CHST8: variants seen among roughly 807,000 people sequenced by gnomAD.
CHST8 encodes GALNAC-4-ST1.
Under a neutral mutation model 15.0 loss-of-function variants are expected in CHST8, and 10 were observed. That is an observed-to-expected ratio of 0.67 (90% CI 0.41 to 1.13). The LOEUF (loss-of-function observed/expected upper bound fraction) is 1.13. CHST8 is among the 50% of genes most tolerant of loss of function. The probability of loss-of-function intolerance (pLI) is 0.00; values close to 1 mark genes in which losing one functional copy is unlikely to be tolerated. For synonymous variants in CHST8, 259 were observed against 256.6 expected (o/e 1.01, Z -0.09); for missense variants, 634 against 608.2 (o/e 1.04, Z -0.45).
chr19:33,726,688 G>A (rs1041016321), intron 3 of CHST8, among the ~76,000 whole-genome samples: 1 of 152,110 alleles, frequency 6.6e-6, no homozygotes, highest in East Asian at 1.9e-4. Flanking sequence ...CCCACCTCTC[G>A]ACAGCAGTGC....
At chr19:33,653,756 C>A (rs1339664345) in intron 1 of CHST8, among the ~76,000 whole-genome samples, 1 of 152,126 alleles carries the variant, frequency 6.6e-6, no homozygotes, top group Non-Finnish European at 1.5e-5. Flanking sequence ...TTACCAAACT[C>A]TTAGGTTGTT....
intron 1 of CHST8, among the ~76,000 whole-genome samples, chr19:33,648,233 T>C (rs1052400146): frequency 1.3e-5 from 2 of 152,266 alleles, no homozygotes; most frequent in Middle Eastern, 3.4e-3. Context: ...AACAGCTTTA[T>C]TGAGACATAA....
At position 33,772,887 on chromosome 19, in the gene CHST8, A is replaced by C; in HGVS notation, c.1099A>C (p.Asn367His). The change falls in exon 5 of 5, where the codon AAC becomes CAC. Residue 367 changes from asparagine (N) to histidine (H), a missense_variant. Physicochemically the swap from Asn to His is moderately conservative, Grantham distance 68 (BLOSUM62 1). Coordinates refer to ENST00000650847, the MANE Select transcript of CHST8 (RefSeq NM_001127895.2). Reference protein sequence around the residue: ...FFLSLIRAPRNLTFPRFKDRH... With the variant: ...FFLSLIRAPRHLTFPRFKDRH... ...CCTGAGCCTCATCCGCGCGCCGCGG[A>C]ACCTGACCTTCCCCCGGTTCAAGGA... The C allele has an allele frequency of 6.2e-7, 1 of 1,613,480 alleles. No individual in the cohort carries two copies.
chr19:33,633,332 TG>T (rs1172165538), intron 1 of CHST8, among the ~76,000 whole-genome samples: 21 of 152,234 alleles, frequency 1.4e-4, no homozygotes, highest in Non-Finnish European at 2.8e-4. Flanking sequence ...TTAGAGTTTT[TG>T]GCTTTTATGG....
chr19:33,750,982 G>A (rs550554267), intron 3 of CHST8, among the ~76,000 whole-genome samples: 2 of 151,060 alleles, frequency 1.3e-5, no homozygotes, highest in Admixed American at 1.3e-4. Flanking sequence ...TTATCATCAA[G>A]GACAAGGGGG....
intron 2 of CHST8, among the ~76,000 whole-genome samples, chr19:33,678,036 G>A (rs1057211898): frequency 3.9e-5 from 6 of 152,226 alleles, no homozygotes; most frequent in African/African-American, 7.2e-5. Flanking sequence ...GACTGGGAAA[G>A]AAAGACAGGA....
intron 2 of CHST8, among the ~76,000 whole-genome samples, chr19:33,677,683 A>G (rs1328427965): frequency 6.6e-6 from 1 of 152,192 alleles, no homozygotes; most frequent in South Asian, 2.1e-4. Flanking sequence ...TAGCATGAGG[A>G]TGCCCCAAAT....
intron 1 of CHST8, among the ~76,000 whole-genome samples, chr19:33,628,845 C>T (rs1972089648): frequency 6.6e-6 from 1 of 152,130 alleles, no homozygotes; most frequent in Non-Finnish European, 1.5e-5. Flanking sequence ...GGATGGTTAC[C>T]CATGGGACGC....
At position 33,622,159 on chromosome 19, in the gene CHST8, G is replaced by C. The variant is rs1277926188; in HGVS notation, c.-301G>C. 6.6e-6 allele frequency: 1 copy of C among 152,180 alleles called. No individual in the cohort carries two copies. The highest frequency in any genetic ancestry group is 1.9e-4 in the East Asian group (1 of 5,160). The allele number at this position is 152,180 out of a possible 1,614,324, so 9.4% of individuals were successfully genotyped here. ...CCACAGATCGCACTGGGTTCCGCTT[G>C]GAGCGGGCGGAGGCACCGGGCCCGA... is the stretch of plus-strand genomic sequence containing the variant. On this transcript the variant is annotated 5_prime_UTR_variant, in exon 1 of 5. Transcript: ENST00000650847.
At chr19:33,760,290 C>CCCCCTTTCCTT (rs1974694592) in intron 3 of CHST8, among the ~76,000 whole-genome samples, 1 of 1,088 alleles carries the variant, frequency 9.2e-4, no homozygotes, top group African/African-American at 1.5e-3. Flanking sequence ...CTCCTTCCTT[C>CCCCCTTTCCTT]CCTCCCTTCC....
intron 2 of CHST8, among the ~76,000 whole-genome samples, chr19:33,682,694 G>T (rs10410177): frequency 0.22 from 33,459 of 152,152 alleles, 4,008 homozygotes; most frequent in African/African-American, 0.29. Context: ...TAACATGATG[G>T]CTTCAAGAGT....
chr19:33,747,356 G>A (rs1460835281), intron 3 of CHST8, among the ~76,000 whole-genome samples: 3 of 152,302 alleles, frequency 2.0e-5, no homozygotes, highest in African/African-American at 7.2e-5. Context: ...TCTTCTGGAA[G>A]GCGACACCTT....
chr19:33,739,001 C>T (rs1974137365), intron 3 of CHST8, among the ~76,000 whole-genome samples: 1 of 152,092 alleles, frequency 6.6e-6, no homozygotes, highest in African/African-American at 2.4e-5. Context: ...CATCCTTTGC[C>T]TTCCAGTAGG....
intron 3 of CHST8, among the ~76,000 whole-genome samples, chr19:33,695,663 G>A (rs140814788): frequency 3.9e-5 from 6 of 151,900 alleles, no homozygotes; most frequent in African/African-American, 7.2e-5. Context: ...GAGAACATGC[G>A]GTATTTGGTT....
At chr19:33,717,133 T>C (rs1407955422) in intron 3 of CHST8, among the ~76,000 whole-genome samples, 1 of 152,022 alleles carries the variant, frequency 6.6e-6, no homozygotes, top group African/African-American at 2.4e-5. Flanking sequence ...ATTCAGAAAA[T>C]AGTGCAAGTA....
intron 1 of CHST8, among the ~76,000 whole-genome samples, chr19:33,637,307 T>C (rs1461325758): frequency 6.6e-6 from 1 of 152,212 alleles, no homozygotes; most frequent in Non-Finnish European, 1.5e-5. Context: ...AGCCTCATTT[T>C]ACCCAGCCCC....
intron 3 of CHST8, among the ~76,000 whole-genome samples, chr19:33,757,556 GA>G (rs1232853804): frequency 8.0e-6 from 1 of 124,446 alleles, no homozygotes; most frequent in Non-Finnish European, 1.8e-5. Context: ...AAGAAAGAAA[GA>G]AAGAAAGAAA....
At chr19:33,660,340 C>A (rs1208606479) in intron 1 of CHST8, among the ~76,000 whole-genome samples, 1 of 152,138 alleles carries the variant, frequency 6.6e-6, no homozygotes, top group Admixed American at 6.5e-5. Flanking sequence ...GAATGTTGTC[C>A]ATTCCTGCGC....
At chr19:33,650,579 T>G (rs1328197993) in intron 1 of CHST8, among the ~76,000 whole-genome samples, 2 of 128,354 alleles carry the variant, frequency 1.6e-5, no homozygotes, top group East Asian at 5.5e-4. Flanking sequence ...TCGTCCAGGC[T>G]GGAGTATAGT....
Sources: allele counts gnomAD v4.1 joint callset (sites outside exome capture counted in the v4.1 genomes callset), GRCh38; gene constraint gnomAD v4.1.1; transcripts MANE v1.5; gene names NCBI Gene and HGNC (gene_info 2026-07-23, HGNC 2026-07-21).